Variants in PTPN14 observed in about 807,000 individuals in gnomAD.
PTPN14 encodes the protein tyrosine-protein phosphatase non-receptor type 14.
In PTPN14, 53 loss-of-function variants were observed where a neutral mutation model predicts 126.8. That is an observed-to-expected ratio of 0.42 (90% CI 0.34 to 0.53). The LOEUF (loss-of-function observed/expected upper bound fraction) is 0.53, where lower values mean the gene tolerates loss of function less well. Among genes scored for constraint, PTPN14 ranks in the 20% least tolerant of loss-of-function variants. PTPN14 has a pLI of 0.08. For synonymous variants in PTPN14, 630 were observed against 599.3 expected, an observed-to-expected ratio of 1.05 and a Z score of -0.75; for missense variants, 1,257 against 1,552.9, an observed-to-expected ratio of 0.81 and a Z score of 3.20.
intron 5 of PTPN14, among the ~76,000 whole-genome samples, chr1:214,404,297 G>A (rs1473925949): frequency 6.6e-6 from 1 of 152,170 alleles, no homozygotes; most frequent in African/African-American, 2.4e-5. Flanking sequence ...AGCAGACGGG[G>A]AATTATGGCA....
chr1:214,363,301 T>C (rs961589923), intron 18 of PTPN14, among the ~76,000 whole-genome samples: 5 of 152,244 alleles, frequency 3.3e-5, no homozygotes, highest in African/African-American at 1.2e-4. Context: ...TATCTTTTCA[T>C]GGGCAGAGAG....
At chr1:214,500,006 A>G (rs562320711) in intron 1 of PTPN14, among the ~76,000 whole-genome samples, 1 of 151,724 alleles carries the variant, frequency 6.6e-6, no homozygotes, top group South Asian at 2.1e-4. Context: ...TTGAAGCAAC[A>G]TCATCTAGAA....
At chr1:214,536,657 T>A (rs1027487453) in intron 1 of PTPN14, among the ~76,000 whole-genome samples, 1 of 151,850 alleles carries the variant, frequency 6.6e-6, no homozygotes, top group East Asian at 1.9e-4. Flanking sequence ...TGGTACCACA[T>A]GCCTGTATTC....
Position 214,383,535 on chromosome 1 carries a change from C to T in PTPN14, c.2320G>A (p.Ala774Thr), listed in dbSNP as rs764835617. ...LRQDQASLPP[A>T]MARARVLRHG... is the part of the protein sequence containing the mutation. ...CTCAGCACCCTGGCTCTGGCCATGG[C>T]GGGAGGAAGGCTGGCTTGGTCCTGC... The change falls in exon 13 of 19, where the codon GCC becomes ACC. Residue 774 changes from alanine to threonine, a missense_variant. Physicochemically the swap from Ala to Thr is moderately conservative, Grantham distance 58 (BLOSUM62 0). Around this residue, in one of 3 missense-constraint regions of PTPN14, gnomAD observed 1,021 missense variants for 1,183.3 expected, o/e 0.86. Transcript: ENST00000366956. The surrounding 1 kb of genome is among the most constrained non-coding windows in gnomAD (Gnocchi z 4.4). The T allele has an allele frequency of 1.2e-5, 20 of 1,613,812 alleles. No homozygotes were observed. In the East Asian group the frequency reaches 1.6e-4, roughly 13 times the overall value.
At chr1:214,416,596 A>C (rs1659431474) in intron 3 of PTPN14, among the ~76,000 whole-genome samples, 1 of 152,212 alleles carries the variant, frequency 6.6e-6, no homozygotes, top group African/African-American at 2.4e-5. Context: ...GGTTGGGTGT[A>C]GGATTTTGCT....
At chr1:214,524,574 C>A (rs937160139) in intron 1 of PTPN14, among the ~76,000 whole-genome samples, 10 of 152,038 alleles carry the variant, frequency 6.6e-5, no homozygotes, top group African/African-American at 9.7e-5. Context: ...ATCCCTTGAG[C>A]CCAGGAGGTC....
chr1:214,463,318 C>T lies in PTPN14; in HGVS notation c.174+1312G>A, dbSNP rs578207912. Among the ~76,000 whole-genome samples the T allele has an allele frequency of 3.0e-4, 14 of 46,940 alleles. No individual in the cohort carries two copies. The South Asian group carries it at 4.8e-3, about 16-fold the overall frequency. The allele number at this position is 46,940 out of a possible 152,430, so 30.8% of individuals were successfully genotyped here. ...TGTGTGTATCCTAATGTGATACCAA[C>T]GAGAAAAAGAGAGCCAGCTACCCAT... On this transcript the variant is annotated intron_variant, in intron 2 of 18. Transcript: ENST00000366956.
At chr1:214,506,358 T>A (rs1257381993) in intron 1 of PTPN14, among the ~76,000 whole-genome samples, 4 of 149,722 alleles carry the variant, frequency 2.7e-5, no homozygotes, top group Admixed American at 2.6e-4. Context: ...TTTTTTAAAA[T>A]TTTTTAAATG....
intron 3 of PTPN14, among the ~76,000 whole-genome samples, chr1:214,435,339 C>G (rs1204839600): frequency 2.0e-5 from 3 of 151,910 alleles, no homozygotes; most frequent in South Asian, 2.1e-4. Context: ...CACCATTCTT[C>G]TTTAGATGTT....
intron 17 of PTPN14, among the ~76,000 whole-genome samples, chr1:214,369,198 A>C (rs1270681985): frequency 6.6e-6 from 1 of 152,232 alleles, no homozygotes; most frequent in Admixed American, 6.5e-5. Flanking sequence ...TTAAATGAGT[A>C]GCTAAAGGTC....
intron 1 of PTPN14, among the ~76,000 whole-genome samples, chr1:214,507,678 T>C (rs945506676): frequency 6.6e-6 from 1 of 152,152 alleles, no homozygotes; most frequent in Non-Finnish European, 1.5e-5. Context: ...TCGGAGACAT[T>C]GTGGGTTTGG....
intron 1 of PTPN14, among the ~76,000 whole-genome samples, chr1:214,501,385 G>C (rs1463134596): frequency 6.6e-6 from 1 of 152,016 alleles, no homozygotes; most frequent in South Asian, 2.1e-4. Flanking sequence ...GACTACAGGT[G>C]CCCACCACCA....
At chr1:214,395,821 G>A (rs946017814) in intron 8 of PTPN14, among the ~76,000 whole-genome samples, 1 of 151,940 alleles carries the variant, frequency 6.6e-6, no homozygotes, top group Non-Finnish European at 1.5e-5. Flanking sequence ...CATATGATGC[G>A]TCTGCTCATT....
chr1:214,435,439 C>A (rs569884760), intron 3 of PTPN14, among the ~76,000 whole-genome samples: 5 of 151,430 alleles, frequency 3.3e-5, no homozygotes, highest in Admixed American at 2.0e-4. Flanking sequence ...TCATTTTAAA[C>A]CAGAAAGGAA....
chr1:214,386,764 CT>C (rs1393058636), intron 12 of PTPN14, 79 bp downstream of exon 12: 44 of 1,349,586 alleles, frequency 3.3e-5, no homozygotes, highest in Admixed American at 1.0e-4. Context: ...TCCCTGTCAT[CT>C]TTTTTTTAAA....
intron 13 of PTPN14, among the ~76,000 whole-genome samples, chr1:214,378,907 GT>G (rs1486011966): frequency 6.6e-6 from 1 of 151,934 alleles, no homozygotes; most frequent in Non-Finnish European, 1.5e-5. Context: ...AGGTTTTGAT[GT>G]TTACACCTGG....
At chr1:214,391,993 C>T (rs1658763739) in intron 10 of PTPN14, among the ~76,000 whole-genome samples, 1 of 152,132 alleles carries the variant, frequency 6.6e-6, no homozygotes, top group African/African-American at 2.4e-5. Context: ...CAAGCAGCAG[C>T]TCTGCAGGAG....
Position 214,364,681 on chromosome 1 carries a change from G to A in PTPN14, c.3272-6C>T, listed in dbSNP as rs1658034212. 1.2e-6 allele frequency: 2 copies of A among 1,607,566 alleles called. No homozygotes were observed. Among genetic ancestry groups the A allele is most frequent in the African/African-American group, 2.7e-5 (2 of 74,664 alleles). On this transcript the variant is annotated splice_polypyrimidine_tract_variant and splice_region_variant and intron_variant, in intron 17 of 18. Transcript: ENST00000366956. This position sits in a 1 kb window ranked among gnomAD's most constrained non-coding sequence, Gnocchi z 4.1. ...CTGGATCTCCTCCAAGTAGGCTGCAGGACAAAATGCAAATTCTGTCACCAA... is the reference window on the plus strand; with the variant it reads ...CTGGATCTCCTCCAAGTAGGCTGCAAGACAAAATGCAAATTCTGTCACCAA...
At chr1:214,440,583 G>C (rs1212374269) in intron 3 of PTPN14, among the ~76,000 whole-genome samples, 4 of 152,220 alleles carry the variant, frequency 2.6e-5, no homozygotes, top group Non-Finnish European at 5.9e-5. Context: ...ACTTAGGGAA[G>C]TTATACTCTC....
Sources: gnomAD v4.1 joint callset for allele counts (sites outside exome capture counted in the v4.1 genomes callset) on GRCh38, gnomAD v4.1.1 for gene constraint, gnomAD v4.1.1 regional missense constraint, Gnocchi (gnomAD v3.1) non-coding constraint, MANE v1.5 for transcripts, NCBI Gene and HGNC (gene_info 2026-07-23, HGNC 2026-07-21) for gene names.